ATXN1: variants seen among roughly 807,000 people sequenced by gnomAD.
The protein encoded by ATXN1 is ataxin 1, also known as ataxin-1.
ATXN1 carries 8 observed loss-of-function variants against 56.4 expected under a neutral mutation model. The observed-to-expected ratio is 0.14, with a 90% CI of 0.08 to 0.26. The LOEUF is 0.26. ATXN1 is among the 10% of genes least tolerant of loss of function. The probability of loss-of-function intolerance (pLI) is 1.00; values close to 1 mark genes in which losing one functional copy is unlikely to be tolerated. For synonymous variants in ATXN1, 514 were observed against 494.6 expected (o/e 1.04, Z -0.52); for missense variants, 987 against 1,106.5 (o/e 0.89, Z 1.53).
intron 6 of ATXN1, among the ~76,000 whole-genome samples, chr6:16,347,446 C>A (rs1393839688): frequency 6.6e-6 from 1 of 152,122 alleles, no homozygotes; most frequent in Non-Finnish European, 1.5e-5. Flanking sequence ...CCAATCCACA[C>A]TCTGTAACTA....
At chr6:16,621,360 C>G (rs1307650132) in intron 3 of ATXN1, among the ~76,000 whole-genome samples, 1 of 152,168 alleles carries the variant, frequency 6.6e-6, no homozygotes, top group Non-Finnish European at 1.5e-5. Flanking sequence ...TGAGTAAAGT[C>G]TTTGTATATG....
At position 16,506,258 on chromosome 6, in the gene ATXN1, G is replaced by A. The variant is rs970682826; in HGVS notation, c.-299+16369C>T. The stretch of plus-strand genomic sequence containing the variant: ...TCATCATTTGGGTGACATGGAGCAG[G>A]CAGCATCGTTTCAAGTTCATCATTT... On this transcript the variant is annotated intron_variant, in intron 5 of 7. Coordinates refer to ENST00000436367, the MANE Select transcript of ATXN1 (RefSeq NM_001128164.2). The surrounding 1 kb of genome is among the most constrained non-coding windows in gnomAD (Gnocchi z 4.1). 6.6e-6 allele frequency among the ~76,000 whole-genome samples: 1 copy of A among 152,166 alleles called. No homozygotes were observed. Among genetic ancestry groups the A allele is most frequent in the African/African-American group, 2.4e-5 (1 of 41,436 alleles).
chr6:16,403,771 GCA>G (rs545822615), intron 6 of ATXN1, among the ~76,000 whole-genome samples: 14 of 152,254 alleles, frequency 9.2e-5, no homozygotes, highest in South Asian at 4.1e-4. Context: ...CTGAAAAAAA[GCA>G]CAGACAGCAG....
At chr6:16,567,700 T>A (rs1183623392) in intron 4 of ATXN1, among the ~76,000 whole-genome samples, 1 of 151,858 alleles carries the variant, frequency 6.6e-6, no homozygotes, top group Non-Finnish European at 1.5e-5. Flanking sequence ...AAGGCATATC[T>A]CCAGGACCAG....
At position 16,303,350 on chromosome 6, in the gene ATXN1, C is replaced by G. The variant is rs569901441; in HGVS notation, c.*2979G>C. ...TTTCTGCAACGTGGCGGCAGACGCACGGGGCTCCTGAAGGCTCCCCGCCCC... is the reference window on the plus strand; with the variant it reads ...TTTCTGCAACGTGGCGGCAGACGCAGGGGGCTCCTGAAGGCTCCCCGCCCC... On this transcript the variant is annotated 3_prime_UTR_variant, in exon 8 of 8. Coordinates refer to ENST00000436367, the MANE Select transcript of ATXN1 (RefSeq NM_001128164.2). This position sits in a 1 kb window ranked among gnomAD's most constrained non-coding sequence, Gnocchi z 4.3. 7 of 148,552 alleles carry G rather than the reference C, an allele frequency of 4.7e-5. No homozygotes were observed. The East Asian group carries it at 1.4e-3, about 29-fold the overall frequency. The allele number at this position is 148,552 out of a possible 1,614,324, so 9.2% of individuals were successfully genotyped here.
intron 6 of ATXN1, among the ~76,000 whole-genome samples, chr6:16,366,761 A>G (rs1008259140): frequency 2.0e-5 from 3 of 151,034 alleles, no homozygotes; most frequent in African/African-American, 7.3e-5. Flanking sequence ...AGCCTGGGTG[A>G]CAGAGTGAGA....
chr6:16,589,337 G>A (rs980474759), intron 3 of ATXN1, among the ~76,000 whole-genome samples: 5 of 151,818 alleles, frequency 3.3e-5, no homozygotes, highest in Admixed American at 2.0e-4. Context: ...CCAGAGTTTC[G>A]TACAGCAGCG....
At chr6:16,459,628 G>A (rs1354847736) in intron 6 of ATXN1, among the ~76,000 whole-genome samples, 3 of 152,160 alleles carry the variant, frequency 2.0e-5, no homozygotes, top group Non-Finnish European at 2.9e-5. Flanking sequence ...GCTGCCTTCT[G>A]CGTTCCTCTG....
At position 16,733,716 on chromosome 6, in the gene ATXN1, A is replaced by G. The variant is rs542223373; in HGVS notation, c.-615+19517T>C. On this transcript the variant is annotated intron_variant, in intron 2 of 7. Transcript: ENST00000436367. ...TACAAAATTAGCTGGGTGTGGTGGC[A>G]TATGCCTGTAATCCCAGCTACTTGG... Among the ~76,000 whole-genome samples the G allele has an allele frequency of 2.0e-5, 3 of 152,304 alleles. No individual in the cohort carries two copies. In the East Asian group the frequency reaches 5.8e-4, roughly 29 times the overall value.
rs550347847 is a variant in ATXN1, at chr6:16,741,374, G to C, written c.-615+11859C>G. Among the ~76,000 whole-genome samples the C allele has an allele frequency of 3.3e-5, 5 of 152,252 alleles. No homozygotes were observed. The South Asian group carries it at 1.0e-3, about 32-fold the overall frequency. On this transcript the variant is annotated intron_variant, in intron 2 of 7. Transcript: ENST00000436367. Reference sequence around the variant, plus strand: ...CTGCAGAATACCATCAAGAGAAAGGGTACTTTTGACTAGTCCTACAAGAGA... The same window carrying C: ...CTGCAGAATACCATCAAGAGAAAGGCTACTTTTGACTAGTCCTACAAGAGA...
chr6:16,383,831 A>G (rs1758184202), intron 6 of ATXN1, among the ~76,000 whole-genome samples: 1 of 152,250 alleles, frequency 6.6e-6, no homozygotes, highest in African/African-American at 2.4e-5. Flanking sequence ...AGAAAAGGTC[A>G]TGAATGTAGT....
intron 4 of ATXN1, among the ~76,000 whole-genome samples, chr6:16,550,801 T>C (rs897192231): frequency 6.6e-6 from 1 of 152,248 alleles, no homozygotes; most frequent in African/African-American, 2.4e-5. Flanking sequence ...TTTTCTTGAC[T>C]ATAAGCAATA....
At chr6:16,308,666 T>C (rs1048248220) in intron 7 of ATXN1, among the ~76,000 whole-genome samples, 3 of 152,092 alleles carry the variant, frequency 2.0e-5, no homozygotes, top group Admixed American at 6.5e-5. Context: ...GATTGACTCA[T>C]CTGAGTCCCT....
At chr6:16,528,129 C>G (rs547868464) in intron 4 of ATXN1, among the ~76,000 whole-genome samples, 1 of 151,760 alleles carries the variant, frequency 6.6e-6, no homozygotes. Flanking sequence ...GGCAAAACCC[C>G]GTCTCTACTA....
At chr6:16,347,517 A>T (rs945636446) in intron 6 of ATXN1, among the ~76,000 whole-genome samples, 1 of 150,506 alleles carries the variant, frequency 6.6e-6, no homozygotes, top group African/African-American at 2.5e-5. Context: ...AAATACACCA[A>T]TCGGCACTCT....
chr6:16,761,075 C>G, intron 1 of ATXN1: 1 of 356,374 alleles, frequency 2.8e-6, no homozygotes, highest in South Asian at 2.1e-5. Flanking sequence ...TACACACACA[C>G]ACACACACAC....
chr6:16,645,596 A>G (rs1261748467), intron 3 of ATXN1, among the ~76,000 whole-genome samples: 2 of 152,166 alleles, frequency 1.3e-5, no homozygotes, highest in Non-Finnish European at 2.9e-5. Context: ...ATTGAATCCC[A>G]GCTTTACCAT....
intron 6 of ATXN1, among the ~76,000 whole-genome samples, chr6:16,370,520 G>C (rs1762017623): frequency 6.6e-6 from 1 of 152,156 alleles, no homozygotes; most frequent in Non-Finnish European, 1.5e-5. Flanking sequence ...GCACAACTAA[G>C]ATAGCTTTTT....
At chr6:16,478,287 A>G (rs574525211) in intron 6 of ATXN1, among the ~76,000 whole-genome samples, 2 of 152,336 alleles carry the variant, frequency 1.3e-5, no homozygotes, top group South Asian at 4.1e-4. Context: ...TAGGAGCTGC[A>G]TGACTCTGTT....
Sources: allele counts gnomAD v4.1 joint callset (sites outside exome capture counted in the v4.1 genomes callset), GRCh38; gene constraint gnomAD v4.1.1; non-coding constraint Gnocchi (gnomAD v3.1); transcripts MANE v1.5; gene names NCBI Gene and HGNC (gene_info 2026-07-23, HGNC 2026-07-21).